Variants in CNOT2 observed in about 807,000 individuals in gnomAD.
CNOT2 encodes CC chemokine receptor 4-negative regulator of transcription 2.
In CNOT2, 7 loss-of-function variants were observed where a neutral mutation model predicts 72.1. The ratio of observed to expected loss-of-function variants is 0.10; its 90% CI spans 0.06 to 0.18. The LOEUF is 0.18. CNOT2 is among the 10% of genes least tolerant of loss of function. The pLI, the probability that CNOT2 is intolerant of heterozygous loss-of-function variation, is 1.00. For missense variants in CNOT2, 345 were observed against 660.3 expected, an observed-to-expected ratio of 0.52 and a Z score of 5.23; for synonymous variants, 196 against 225.6, an observed-to-expected ratio of 0.87 and a Z score of 1.17.
intron 7 of CNOT2, among the ~76,000 whole-genome samples, chr12:70,333,882 A>G (rs1880305017): frequency 1.3e-5 from 2 of 151,978 alleles, no homozygotes; most frequent in South Asian, 2.1e-4. Context: ...ACATCTGCAT[A>G]TCATAGTTTA....
At chr12:70,328,274 TCCCTAG>T (rs1879392980) in intron 4 of CNOT2, among the ~76,000 whole-genome samples, 1 of 151,882 alleles carries the variant, frequency 6.6e-6, no homozygotes, top group African/African-American at 2.4e-5. Context: ...ACCACTCCTA[TCCCTAG>T]GTTAGAAGGT....
intron 3 of CNOT2, among the ~76,000 whole-genome samples, chr12:70,313,268 T>A (rs1876779990): frequency 6.6e-6 from 1 of 152,016 alleles, no homozygotes; most frequent in East Asian, 1.9e-4. Flanking sequence ...TAGTTTGCAT[T>A]CTCCATGTAT....
intron 4 of CNOT2, among the ~76,000 whole-genome samples, chr12:70,324,945 C>T (rs1878855040): frequency 6.6e-6 from 1 of 151,882 alleles, no homozygotes; most frequent in South Asian, 2.1e-4. Flanking sequence ...TCTTCTGTCT[C>T]CTCCAGGAAA....
chr12:70,331,632 T>A (rs1049977790), intron 6 of CNOT2: 7 of 152,050 alleles, frequency 4.6e-5, no homozygotes, highest in African/African-American at 1.7e-4. Flanking sequence ...GAGCACTTAT[T>A]CCATGTTTGA....
chr12:70,347,474 CAAA>C (rs758986793), intron 15 of CNOT2: 2 of 150,592 alleles, frequency 1.3e-5, no homozygotes, highest in Admixed American at 1.3e-4. Context: ...ACTAAAAATA[CAAA>C]AAAAAATTAG....
intron 6 of CNOT2, chr12:70,331,767 A>G (rs1012994333): frequency 1.3e-5 from 2 of 151,676 alleles, no homozygotes; most frequent in African/African-American, 4.8e-5. Flanking sequence ...AAATTGTTTC[A>G]CTATAGGTTT....
chr12:70,328,869 C>A (rs1057021988), intron 4 of CNOT2, among the ~76,000 whole-genome samples: 1 of 151,530 alleles, frequency 6.6e-6, no homozygotes, highest in South Asian at 2.1e-4. Flanking sequence ...TTTTTTTTAA[C>A]AGTTGCTGGC....
chr12:70,247,271 T>A (rs1008741982), intron 1 of CNOT2, among the ~76,000 whole-genome samples: 4 of 152,028 alleles, frequency 2.6e-5, no homozygotes, highest in Non-Finnish European at 4.4e-5. Flanking sequence ...TTCAAGCGGT[T>A]CTCCTGCCTC....
intron 1 of CNOT2, among the ~76,000 whole-genome samples, chr12:70,253,393 T>C (rs1394016169): frequency 1.3e-5 from 2 of 152,236 alleles, no homozygotes; most frequent in African/African-American, 4.8e-5. Flanking sequence ...TTGGTTCCCA[T>C]GCCATTTCCT....
intron 2 of CNOT2, among the ~76,000 whole-genome samples, chr12:70,284,508 A>G (rs1004953381): frequency 6.6e-6 from 1 of 151,982 alleles, no homozygotes; most frequent in African/African-American, 2.4e-5. Context: ...GGCCTCCCCA[A>G]AGTGTTGGAA....
At chr12:70,265,862 A>G in intron 1 of CNOT2, among the ~76,000 whole-genome samples, 1 of 151,928 alleles carries the variant, frequency 6.6e-6, no homozygotes, top group Admixed American at 6.6e-5. Context: ...TTCCCTTTAT[A>G]ATACCTCTAT....
chr12:70,244,170 T>TCTGCCACCG (rs1384693494), intron 1 of CNOT2: 2 of 152,304 alleles, frequency 1.3e-5, no homozygotes, highest in Admixed American at 1.3e-4. Flanking sequence ...CGATGCCGCC[T>TCTGCCACCG]CTGCCACCGC....
intron 1 of CNOT2, among the ~76,000 whole-genome samples, chr12:70,249,459 T>G (rs1470707438): frequency 1.3e-5 from 2 of 151,860 alleles, no homozygotes; most frequent in African/African-American, 4.8e-5. Flanking sequence ...ATAAGAAAAT[T>G]AGAAGTTGGG....
intron 1 of CNOT2, among the ~76,000 whole-genome samples, chr12:70,261,066 T>C (rs1460024139): frequency 2.0e-5 from 3 of 151,900 alleles, no homozygotes; most frequent in African/African-American, 7.2e-5. Context: ...ATTTCTAGTA[T>C]GTTGAGTGCT....
At chr12:70,320,501 G>T (rs536988875) in intron 4 of CNOT2, among the ~76,000 whole-genome samples, 10 of 151,770 alleles carry the variant, frequency 6.6e-5, no homozygotes, top group African/African-American at 2.4e-4. Flanking sequence ...TGTATTAACA[G>T]TTTCTCCAAT....
intron 11 of CNOT2, among the ~76,000 whole-genome samples, chr12:70,339,737 C>T (rs1362347543): frequency 6.6e-6 from 1 of 152,064 alleles, no homozygotes; most frequent in Non-Finnish European, 1.5e-5. Context: ...TCTGCATGCC[C>T]CTAATACCTT....
chr12:70,321,399 C>T (rs1412246558), intron 4 of CNOT2: 4 of 151,830 alleles, frequency 2.6e-5, no homozygotes, highest in African/African-American at 9.7e-5. Flanking sequence ...TCTGAACAAA[C>T]ACCTTGTCAG....
At chr12:70,288,671 C>T (rs1449103024) in intron 2 of CNOT2, among the ~76,000 whole-genome samples, 3 of 152,144 alleles carry the variant, frequency 2.0e-5, no homozygotes, top group African/African-American at 7.2e-5. Context: ...AGAATAATGT[C>T]TGGCATGTAG....
Position 70,248,781 on chromosome 12 carries a change from A to G in CNOT2, c.-96+5301A>G, listed in dbSNP as rs77982225. On this transcript the variant is annotated intron_variant, in intron 1 of 15. Coordinates refer to ENST00000229195, the MANE Select transcript of CNOT2 (RefSeq NM_014515.7). ...GACCTTTTAGTGACTAAGAGCTGCC[A>G]AAGATACAGAGTGTATATTTTTAAA... Among the ~76,000 whole-genome samples, 1,199 of 152,204 alleles carry G rather than the reference A, an allele frequency of 7.9e-3. 69 individuals carry two copies. The East Asian group carries it at 0.17, about 22-fold the overall frequency.
Sources: allele counts gnomAD v4.1 joint callset (sites outside exome capture counted in the v4.1 genomes callset), GRCh38; gene constraint gnomAD v4.1.1; transcripts MANE v1.5; gene names NCBI Gene and HGNC (gene_info 2026-07-23, HGNC 2026-07-21).